Variants in WDR3 observed in about 807,000 individuals in gnomAD.
WDR3 encodes the protein WD repeat-containing protein 3.
In WDR3, 81 loss-of-function variants were observed where a neutral mutation model predicts 123.7. The observed-to-expected ratio is 0.65, with a 90% CI of 0.55 to 0.79. WDR3 has a LOEUF of 0.79. WDR3 is among the 30% of genes least tolerant of loss of function. The pLI is 0.00. For synonymous variants in WDR3, 390 were observed against 388.8 expected, an observed-to-expected ratio of 1.00 and a Z score of -0.04; for missense variants, 1,027 against 1,123.2, an observed-to-expected ratio of 0.91 and a Z score of 1.22.
chr1:117,939,287 G>A (rs1007664756), intron 5 of WDR3, among the ~76,000 whole-genome samples, 190 bp from the exon 6 acceptor site: 1 of 152,090 alleles, frequency 6.6e-6, no homozygotes, highest in Non-Finnish European at 1.5e-5. Context: ...CAATTTCACC[G>A]CAGGCCATTT....
intron 13 of WDR3, among the ~76,000 whole-genome samples, chr1:117,949,347 G>A (rs1035397912): frequency 3.3e-5 from 5 of 151,944 alleles, no homozygotes; most frequent in Non-Finnish European, 5.9e-5. Context: ...TCTTGATAAC[G>A]GAAAACAGCT....
At chr1:117,944,221 C>G (rs1253159936) in intron 11 of WDR3, among the ~76,000 whole-genome samples, 1 of 152,198 alleles carries the variant, frequency 6.6e-6, no homozygotes, top group Non-Finnish European at 1.5e-5. Context: ...ATCCATTGAG[C>G]TAAAAGCTTT....
Position 117,942,509 on chromosome 1 carries a change from G to A in WDR3, c.1062G>A (p.Gln354=), listed in dbSNP as rs1651205602. The change falls in exon 10 of 27, where the codon CAG becomes CAA. Residue 354 remains glutamine, a synonymous_variant. Coordinates refer to ENST00000349139, the MANE Select transcript of WDR3 (RefSeq NM_006784.3). ...NVEMSLQDEI[Q]RVTNIKTSAK... ...AAATGAGTCTGCAAGATGAAATCCAGCGGGTGACTAATATAAAAACTTCTG... is the reference window on the plus strand; with the variant it reads ...AAATGAGTCTGCAAGATGAAATCCAACGGGTGACTAATATAAAAACTTCTG... 3 of 1,613,836 alleles carry A rather than the reference G, an allele frequency of 1.9e-6. No individual in the cohort carries two copies. Among genetic ancestry groups the A allele is most frequent in the Non-Finnish European group, 2.5e-6 (3 of 1,179,930 alleles).
rs1652820777 is a variant in WDR3, at chr1:117,960,020, T to C, written c.*573T>C. On this transcript the variant is annotated 3_prime_UTR_variant, in exon 27 of 27. Transcript: ENST00000349139. ...ATAAGAAGATTCTAATTGCTAACTG[T>C]TTATACTTTTCTGAATAAAATAGTT... 1 of 152,230 alleles carries C rather than the reference T, an allele frequency of 6.6e-6. No homozygotes were observed. 9.4% of individuals were successfully genotyped at this position (152,230 alleles called of 1,614,324 possible). A position where few individuals can be genotyped will look rare whatever the true frequency, so the allele number is the denominator to read the frequency against.
intron 2 of WDR3, 60 bp from the exon 3 acceptor site, chr1:117,934,413 G>A: frequency 6.5e-7 from 1 of 1,542,200 alleles, no homozygotes; most frequent in South Asian, 1.1e-5. Flanking sequence ...GTATTCCTAT[G>A]CTTTTCCCTT....
Position 117,952,498 on chromosome 1 carries a change from G to T in WDR3, c.2017-30G>T, listed in dbSNP as rs772167850. 3.1e-6 allele frequency: 5 copies of T among 1,598,408 alleles called. No homozygotes were observed. In the Admixed American group the frequency reaches 7.1e-5, roughly 23 times the overall value. On this transcript the variant is annotated intron_variant, in intron 18 of 26. Coordinates refer to ENST00000349139, the MANE Select transcript of WDR3 (RefSeq NM_006784.3). ...CCACTAAGTAGTGGTCAATGAATGA[G>T]GTATTCTTTATTTTTTTTTTCTCCT...
intron 4 of WDR3, 114 bp from the exon 5 acceptor site, chr1:117,938,366 G>A: frequency 1.4e-6 from 1 of 739,202 alleles, no homozygotes; most frequent in Non-Finnish European, 2.2e-6. Flanking sequence ...CGGAGCTTTA[G>A]ACATTATTGA....
At chr1:117,937,046 C>T (rs932673337) in intron 4 of WDR3, among the ~76,000 whole-genome samples, 159 bp downstream of exon 4, 15 of 152,102 alleles carry the variant, frequency 9.9e-5, no homozygotes, top group Admixed American at 9.8e-4. Context: ...TAAGTAGTAT[C>T]GTAGAGCTAT....
chr1:117,937,457 G>A (rs906206257), intron 4 of WDR3, among the ~76,000 whole-genome samples: 71 of 152,280 alleles, frequency 4.7e-4, no homozygotes, highest in African/African-American at 1.7e-3. Flanking sequence ...TTAATTAGAG[G>A]AACCATAGTA....
chr1:117,949,622 A>C (rs1054193298), intron 13 of WDR3, 129 bp from the exon 14 acceptor site: 15 of 1,048,390 alleles, frequency 1.4e-5, no homozygotes, highest in Non-Finnish European at 1.9e-5. Context: ...GCTAGGGAGA[A>C]CCACGTTTTT....
intron 24 of WDR3, 114 bp from the exon 25 acceptor site, chr1:117,956,954 A>G: frequency 1.1e-6 from 1 of 879,856 alleles, no homozygotes; most frequent in Non-Finnish European, 1.6e-6. Context: ...TCTAGGCAAG[A>G]TGTATCCAAG....
rs748496123 is a variant in WDR3, at chr1:117,933,505, A to C, written c.171+15A>C. On this transcript the variant is annotated intron_variant, in intron 2 of 26. Transcript: ENST00000349139. ...AAGGAGAGAAGGTGAGCCTAAAATG[A>C]CCAGTTTGATACTGATTTATTGGTA... The C allele has an allele frequency of 6.2e-7, 1 of 1,613,946 alleles. No individual in the cohort carries two copies. The highest frequency in any genetic ancestry group is 8.5e-7 in the Non-Finnish European group (1 of 1,179,854).
chr1:117,954,459 G>GT, intron 22 of WDR3, 121 bp from the exon 23 acceptor site: 1 of 947,390 alleles, frequency 1.1e-6, no homozygotes, highest in Non-Finnish European at 1.6e-6. Context: ...CACTCTGTCA[G>GT]TTTTTTAGGG....
chr1:117,943,762 GT>G, intron 11 of WDR3, 136 bp downstream of exon 11: 1 of 757,408 alleles, frequency 1.3e-6, no homozygotes, highest in Non-Finnish European at 2.0e-6. Context: ...CCATTAGCCT[GT>G]GGAGCTTAGA....
chr1:117,932,435 G>T (rs936192070), intron 1 of WDR3, among the ~76,000 whole-genome samples: 1 of 152,346 alleles, frequency 6.6e-6, no homozygotes, highest in African/African-American at 2.4e-5. Flanking sequence ...TGGGAGAAGA[G>T]ATGAGATGGT....
At chr1:117,937,351 TATC>T (rs539002846) in intron 4 of WDR3, among the ~76,000 whole-genome samples, 18 of 152,340 alleles carry the variant, frequency 1.2e-4, no homozygotes, top group Non-Finnish European at 2.4e-4. Flanking sequence ...AATCATCAAA[TATC>T]AACAATTTTA....
Position 117,959,706 on chromosome 1 carries a change from G to C in WDR3, c.*259G>C. 1 of 300,020 alleles carries C rather than the reference G, an allele frequency of 3.3e-6. No individual in the cohort carries two copies. Among genetic ancestry groups the C allele is most frequent in the South Asian group, 1.3e-4 (1 of 7,836 alleles). The allele number at this position is 300,020 out of a possible 1,614,324, so 18.6% of individuals were successfully genotyped here. On this transcript the variant is annotated 3_prime_UTR_variant, in exon 27 of 27. Transcript: ENST00000349139. ...TCAAAGCTTGAGCCTTGCAGCTCAA[G>C]CTTGTTGTTCCCTTTATATTCTAGC...
chr1:117,950,797 T>A (rs769318232), intron 15 of WDR3, 37 bp from the exon 16 acceptor site: 1 of 1,547,418 alleles, frequency 6.5e-7, no homozygotes, highest in South Asian at 1.1e-5. Flanking sequence ...ACCCATATTT[T>A]ATAGACAGAC....
Position 117,940,921 on chromosome 1 carries a change from C to A in WDR3, c.770C>A (p.Thr257Lys), listed in dbSNP as rs142439174. The A allele has an allele frequency of 1.9e-6, 3 of 1,612,264 alleles. No individual in the cohort carries two copies. The highest frequency in any genetic ancestry group is 1.3e-5 in the African/African-American group (1 of 74,848). Reference protein sequence around the residue: ...TLEAEDGAFETDEAPEDRILS... With the variant: ...TLEAEDGAFEKDEAPEDRILS... The stretch of plus-strand genomic sequence containing the variant: ...GAGGCAGAGGATGGTGCCTTTGAGA[C>A]GGATGAAGCCCCTGAGGATGTAATT... The change falls in exon 7 of 27, where the codon ACG becomes AAG. Residue 257 changes from threonine (T) to lysine (K), a missense_variant. By Grantham distance (78) the Thr-to-Lys change is moderately conservative. Coordinates refer to ENST00000349139, the MANE Select transcript of WDR3 (RefSeq NM_006784.3).
Sources: gnomAD v4.1 joint callset for allele counts (sites outside exome capture counted in the v4.1 genomes callset) on GRCh38, gnomAD v4.1.1 for gene constraint, MANE v1.5 for transcripts, NCBI Gene and HGNC (gene_info 2026-07-23, HGNC 2026-07-21) for gene names.